Variants in LINGO2 observed in about 807,000 individuals in gnomAD.
LINGO2 encodes leucine rich repeat and Ig domain containing 2.
In LINGO2, 14 loss-of-function variants were observed where a neutral mutation model predicts 30.6. That is an observed-to-expected ratio of 0.46 (90% CI 0.30 to 0.72). The LOEUF is 0.72. LINGO2 is among the 30% of genes least tolerant of loss of function. The pLI is 0.07. For missense variants in LINGO2, 729 were observed against 751.7 expected, an observed-to-expected ratio of 0.97 and a Z score of 0.35; for synonymous variants, 317 against 288.5, an observed-to-expected ratio of 1.10 and a Z score of -1.00.
At chr9:28,999,988 C>T in the LINGO2 span, among the ~76,000 whole-genome samples, 5 of 152,038 alleles carry the variant, frequency 3.3e-5, no homozygotes, top group South Asian at 8.3e-4. Flanking sequence ...AAAATTCTTC[C>T]CTAACTTCCT....
the LINGO2 span, among the ~76,000 whole-genome samples, chr9:28,787,162 C>T: frequency 6.6e-6 from 1 of 152,082 alleles, no homozygotes; most frequent in Non-Finnish European, 1.5e-5. Flanking sequence ...CTCGTTTGTG[C>T]AAGAACGAAT....
At chr9:28,881,029 A>C in the LINGO2 span, among the ~76,000 whole-genome samples, 1 of 152,088 alleles carries the variant, frequency 6.6e-6, no homozygotes, top group Non-Finnish European at 1.5e-5. Context: ...AAATAATGAA[A>C]ATAATAATCA....
intron 2 of LINGO2, among the ~76,000 whole-genome samples, chr9:28,432,278 G>A (rs4879245): frequency 0.92 from 140,391 of 152,118 alleles, 64,852 homozygotes; most frequent in East Asian, 1. Context: ...TGTGGAAAAC[G>A]GACACTGAAT....
the LINGO2 span, among the ~76,000 whole-genome samples, chr9:29,027,395 T>A: frequency 6.6e-6 from 1 of 152,204 alleles, no homozygotes; most frequent in Non-Finnish European, 1.5e-5. Flanking sequence ...TGGAGTGCAA[T>A]GGCAGAATCT....
the LINGO2 span, among the ~76,000 whole-genome samples, chr9:29,136,843 C>T: frequency 6.6e-6 from 1 of 152,142 alleles, no homozygotes; most frequent in Admixed American, 6.5e-5. Flanking sequence ...GTCATCTCAC[C>T]TGTCTTAAAA....
chr9:28,247,344 C>T (rs1188549649), intron 4 of LINGO2, among the ~76,000 whole-genome samples: 1 of 152,076 alleles, frequency 6.6e-6, no homozygotes, highest in African/African-American at 2.4e-5. Context: ...GAGATGGAAC[C>T]AACCCAAATG....
chr9:28,739,419 C>T, the LINGO2 span, among the ~76,000 whole-genome samples: 5 of 151,646 alleles, frequency 3.3e-5, no homozygotes, highest in Admixed American at 6.6e-5. Flanking sequence ...TGGAATAAAA[C>T]GAGAGTTTTG....
chr9:28,541,948 G>T (rs1821718229), intron 1 of LINGO2, among the ~76,000 whole-genome samples: 1 of 152,082 alleles, frequency 6.6e-6, no homozygotes, highest in Non-Finnish European at 1.5e-5. Context: ...GAGAGAAGCT[G>T]CCTCCATAAT....
At chr9:28,787,805 CT>C in the LINGO2 span, among the ~76,000 whole-genome samples, 1 of 152,036 alleles carries the variant, frequency 6.6e-6, no homozygotes, top group Non-Finnish European at 1.5e-5. Context: ...ATAAATATAA[CT>C]CAATAAAAAT....
chr9:28,591,741 G>C (rs1824923825), intron 1 of LINGO2, among the ~76,000 whole-genome samples: 2 of 151,944 alleles, frequency 1.3e-5, no homozygotes. Context: ...TTCCAAAGTG[G>C]CAAGATCCTT....
chr9:28,146,708 C>G (rs560866629), intron 4 of LINGO2, among the ~76,000 whole-genome samples: 2 of 152,188 alleles, frequency 1.3e-5, no homozygotes, highest in East Asian at 3.9e-4. Flanking sequence ...CTCTCTTGGG[C>G]ATAAGAAAAC....
chr9:28,910,764 T>TC, the LINGO2 span, among the ~76,000 whole-genome samples: 1 of 152,016 alleles, frequency 6.6e-6, no homozygotes, highest in Admixed American at 6.6e-5. Flanking sequence ...AAGTTTTTTT[T>TC]CTTTATAAAT....
chr9:28,850,597 T>C, the LINGO2 span, among the ~76,000 whole-genome samples: 7,972 of 152,088 alleles, frequency 0.052, 695 homozygotes, highest in African/African-American at 0.18. Flanking sequence ...TTTTCTTATT[T>C]AACCAGCCAC....
intron 4 of LINGO2, among the ~76,000 whole-genome samples, chr9:28,258,784 C>T (rs1822465934): frequency 6.6e-6 from 1 of 151,704 alleles, no homozygotes; most frequent in African/African-American, 2.4e-5. Context: ...CTATGGCTTG[C>T]CAACCATATA....
intron 1 of LINGO2, among the ~76,000 whole-genome samples, chr9:28,640,295 T>C (rs1323400227): frequency 3.3e-5 from 5 of 152,094 alleles, no homozygotes; most frequent in African/African-American, 1.2e-4. Flanking sequence ...GACAATTATG[T>C]GTCTTGGAGT....
intron 1 of LINGO2, among the ~76,000 whole-genome samples, chr9:28,637,006 T>A (rs1827313916): frequency 6.6e-6 from 1 of 152,174 alleles, no homozygotes; most frequent in Non-Finnish European, 1.5e-5. Flanking sequence ...GTATAAGGTG[T>A]AAGGAAGGGA....
chr9:28,865,016 G>A, the LINGO2 span, among the ~76,000 whole-genome samples: 1 of 152,036 alleles, frequency 6.6e-6, no homozygotes, highest in Non-Finnish European at 1.5e-5. Flanking sequence ...TAAGAGCGTT[G>A]ATTACAGATG....
At chr9:28,642,384 T>C (rs1385141212) in intron 1 of LINGO2, among the ~76,000 whole-genome samples, 1 of 152,168 alleles carries the variant, frequency 6.6e-6, no homozygotes, top group Non-Finnish European at 1.5e-5. Context: ...ATCTTAATTC[T>C]ACCCTGCTGG....
chr9:28,837,384 G>T, the LINGO2 span, among the ~76,000 whole-genome samples: 2 of 151,884 alleles, frequency 1.3e-5, no homozygotes, highest in Admixed American at 6.6e-5. Context: ...GGTGGCTCAT[G>T]CCTATAATCT....
Sources: allele counts gnomAD v4.1 joint callset (sites outside exome capture counted in the v4.1 genomes callset), GRCh38; gene constraint gnomAD v4.1.1; transcripts MANE v1.5; gene names NCBI Gene and HGNC (gene_info 2026-07-23, HGNC 2026-07-21).